NELL1: variants seen among roughly 807,000 people sequenced by gnomAD.
NELL1 encodes the protein neural EGFL like 1.
A neutral mutation model predicts 107.4 loss-of-function variants in NELL1; 76 were observed. The ratio of observed to expected loss-of-function variants is 0.71; its 90% CI spans 0.59 to 0.86. NELL1 has a LOEUF of 0.86. Among genes scored for constraint, NELL1 ranks in the 40% least tolerant of loss-of-function variants. The pLI, the probability that NELL1 is intolerant of heterozygous loss-of-function variation, is 0.00. For missense variants in NELL1, 1,024 were observed against 1,005.5 expected (o/e 1.02, Z -0.25); for synonymous variants, 353 against 341.2 (o/e 1.03, Z -0.38).
At chr11:21,394,673 C>T (rs1851945496) in intron 15 of NELL1, among the ~76,000 whole-genome samples, 1 of 151,464 alleles carries the variant, frequency 6.6e-6, no homozygotes, top group East Asian at 2.0e-4. Flanking sequence ...AAGGGAGACA[C>T]ATTAGCTAAT....
At chr11:21,163,341 G>C (rs776488232) in intron 13 of NELL1, among the ~76,000 whole-genome samples, 1 of 152,150 alleles carries the variant, frequency 6.6e-6, no homozygotes, top group Non-Finnish European at 1.5e-5. Context: ...GGAGCATGGC[G>C]GGAAGATGAT....
At chr11:20,829,495 G>T (rs772726103) in intron 3 of NELL1, among the ~76,000 whole-genome samples, 1 of 151,848 alleles carries the variant, frequency 6.6e-6, no homozygotes, top group Non-Finnish European at 1.5e-5. Context: ...CAAAGTGTTG[G>T]GATTACAGGT....
chr11:20,934,702 T>G (rs953110808), intron 9 of NELL1, among the ~76,000 whole-genome samples: 1 of 152,232 alleles, frequency 6.6e-6, no homozygotes, highest in Non-Finnish European at 1.5e-5. Flanking sequence ...ACTGTCACTT[T>G]GGAACAAGCT....
intron 16 of NELL1, among the ~76,000 whole-genome samples, chr11:21,557,438 A>G (rs1176711627): frequency 2.0e-5 from 3 of 152,044 alleles, no homozygotes; most frequent in African/African-American, 7.2e-5. Flanking sequence ...AGCATAATAT[A>G]GCTGGGCATT....
At chr11:21,071,893 CT>C (rs1854024224) in intron 12 of NELL1, among the ~76,000 whole-genome samples, 1 of 152,004 alleles carries the variant, frequency 6.6e-6, no homozygotes, top group Admixed American at 6.6e-5. Context: ...ATGTATTTAC[CT>C]TCCTTCAGGC....
At chr11:20,852,600 C>T (rs1380484356) in intron 4 of NELL1, among the ~76,000 whole-genome samples, 1 of 152,116 alleles carries the variant, frequency 6.6e-6, no homozygotes, top group Non-Finnish European at 1.5e-5. Flanking sequence ...TGGTTTTATA[C>T]AAGCATATCT....
At chr11:21,201,691 C>A (rs747943335) in intron 13 of NELL1, among the ~76,000 whole-genome samples, 2 of 152,166 alleles carry the variant, frequency 1.3e-5, no homozygotes, top group Non-Finnish European at 2.9e-5. Context: ...GAGAGGGCAT[C>A]CCTGTCTTGT....
chr11:21,105,802 C>T (rs1454563654), intron 12 of NELL1, among the ~76,000 whole-genome samples: 1 of 82,204 alleles, frequency 1.2e-5, no homozygotes, highest in African/African-American at 5.2e-5. Flanking sequence ...CCAACCTTCC[C>T]CTTCCCTCCT....
intron 3 of NELL1, among the ~76,000 whole-genome samples, chr11:20,784,368 A>G (rs752023319): frequency 6.6e-6 from 1 of 152,232 alleles, no homozygotes; most frequent in Non-Finnish European, 1.5e-5. Flanking sequence ...GGAAAAGAAG[A>G]TAGTTGTATA....
intron 12 of NELL1, among the ~76,000 whole-genome samples, chr11:21,051,187 G>A (rs1853484663): frequency 6.6e-6 from 1 of 152,090 alleles, no homozygotes; most frequent in South Asian, 2.1e-4. Flanking sequence ...CATATACCAT[G>A]GAATACTACT....
At chr11:20,701,076 A>C (rs1331525812) in intron 2 of NELL1, among the ~76,000 whole-genome samples, 1 of 152,192 alleles carries the variant, frequency 6.6e-6, no homozygotes, top group Non-Finnish European at 1.5e-5. Flanking sequence ...TCCTTGAGGA[A>C]TCGCCACACT....
chr11:21,547,748 G>A (rs1591025656), intron 16 of NELL1, among the ~76,000 whole-genome samples: 1 of 151,838 alleles, frequency 6.6e-6, no homozygotes, highest in East Asian at 1.9e-4. Flanking sequence ...TCATTATCAA[G>A]CAACTACTAT....
chr11:21,032,868 C>G (rs1271192460), intron 12 of NELL1, among the ~76,000 whole-genome samples: 1 of 152,204 alleles, frequency 6.6e-6, no homozygotes, highest in African/African-American at 2.4e-5. Flanking sequence ...TAATCTCAAT[C>G]TTTCTTCCTG....
intron 1 of NELL1, among the ~76,000 whole-genome samples, chr11:20,674,234 G>A (rs184992224): frequency 2.8e-3 from 434 of 152,294 alleles, no homozygotes; most frequent in Middle Eastern, 6.8e-3. Flanking sequence ...CTTGGGCATG[G>A]ATAAGGGCTG....
At chr11:21,417,896 C>G (rs974279143) in intron 15 of NELL1, among the ~76,000 whole-genome samples, 2 of 152,036 alleles carry the variant, frequency 1.3e-5, no homozygotes, top group African/African-American at 4.8e-5. Context: ...TCTATCTTCT[C>G]CAAATCCCAT....
At chr11:20,675,091 G>A (rs1854019854) in intron 1 of NELL1, among the ~76,000 whole-genome samples, 1 of 152,100 alleles carries the variant, frequency 6.6e-6, no homozygotes. Flanking sequence ...TTGGACCAGT[G>A]GACCAGCCGG....
At chr11:20,796,422 T>G (rs1475597937) in intron 3 of NELL1, among the ~76,000 whole-genome samples, 1 of 152,200 alleles carries the variant, frequency 6.6e-6, no homozygotes, top group East Asian at 1.9e-4. Flanking sequence ...GCCATGTAAC[T>G]TTCTCCTTGG....
chr11:21,344,376 T>C (rs1017749657), intron 14 of NELL1, among the ~76,000 whole-genome samples: 5 of 152,214 alleles, frequency 3.3e-5, no homozygotes, highest in Non-Finnish European at 7.4e-5. Flanking sequence ...GTCATACATG[T>C]GGGCACTGGG....
intron 12 of NELL1, among the ~76,000 whole-genome samples, chr11:21,078,802 T>C (rs1302161858): frequency 6.6e-6 from 1 of 152,086 alleles, no homozygotes; most frequent in Non-Finnish European, 1.5e-5. Context: ...TAAAGATAGA[T>C]TAGTTTTCCA....
Sources: allele counts gnomAD v4.1 joint callset (sites outside exome capture counted in the v4.1 genomes callset), GRCh38; gene constraint gnomAD v4.1.1; transcripts MANE v1.5; gene names NCBI Gene and HGNC (gene_info 2026-07-23, HGNC 2026-07-21).